Variants in ROBO2 observed in about 807,000 individuals in gnomAD.
The protein encoded by ROBO2 is roundabout guidance receptor 2, also known as roundabout homolog 2.
In ROBO2, 53 loss-of-function variants were observed where a neutral mutation model predicts 160.8. The ratio of observed to expected loss-of-function variants is 0.33; its 90% CI spans 0.26 to 0.41. The LOEUF (loss-of-function observed/expected upper bound fraction) is 0.41. Among genes scored for constraint, ROBO2 ranks in the 10% least tolerant of loss-of-function variants. ROBO2 has a pLI of 1.00. For synonymous variants in ROBO2, 664 were observed against 611.7 expected, an observed-to-expected ratio of 1.09 and a Z score of -1.26; for missense variants, 1,577 against 1,722.4, an observed-to-expected ratio of 0.92 and a Z score of 1.49.
intron 2 of ROBO2, among the ~76,000 whole-genome samples, chr3:76,181,567 A>C (rs1017148863): frequency 2.0e-5 from 3 of 152,152 alleles, no homozygotes; most frequent in African/African-American, 7.2e-5. Context: ...TGTATGTGTT[A>C]ATTGCATTTA....
chr3:77,254,162 C>T (rs879814092), intron 2 of ROBO2, among the ~76,000 whole-genome samples: 3 of 152,136 alleles, frequency 2.0e-5, no homozygotes, highest in African/African-American at 7.2e-5. Flanking sequence ...CTTAGCTACT[C>T]GCTGAGGTCT....
chr3:76,923,386 T>A (rs2076789282), intron 2 of ROBO2, among the ~76,000 whole-genome samples: 1 of 152,234 alleles, frequency 6.6e-6, no homozygotes, highest in South Asian at 2.1e-4. Context: ...GATGTACATG[T>A]ATGTAAACAG....
At chr3:76,021,094 A>G (rs2066562411) in intron 2 of ROBO2, among the ~76,000 whole-genome samples, 3 of 151,716 alleles carry the variant, frequency 2.0e-5, no homozygotes, top group African/African-American at 7.2e-5. Context: ...TAAGGATTTT[A>G]AATCAGCTTA....
chr3:76,298,462 G>A (rs1709194827), intron 2 of ROBO2, among the ~76,000 whole-genome samples: 1 of 152,120 alleles, frequency 6.6e-6, no homozygotes, highest in Non-Finnish European at 1.5e-5. Context: ...GATGAGGGAG[G>A]TTGTTTGAAA....
chr3:76,789,281 A>T (rs772600225), intron 2 of ROBO2, among the ~76,000 whole-genome samples: 3 of 151,470 alleles, frequency 2.0e-5, no homozygotes, highest in Non-Finnish European at 4.4e-5. Flanking sequence ...TAAAAAGAAC[A>T]TAGCAATGGC....
At chr3:76,937,165 A>C (rs1396212511) in intron 2 of ROBO2, among the ~76,000 whole-genome samples, 5 of 152,132 alleles carry the variant, frequency 3.3e-5, no homozygotes, top group Non-Finnish European at 7.3e-5. Flanking sequence ...ACGAAGTAAA[A>C]CTTAGTGGCA....
intron 2 of ROBO2, among the ~76,000 whole-genome samples, chr3:76,036,489 T>A (rs1576582377): frequency 6.6e-6 from 1 of 151,244 alleles, no homozygotes; most frequent in East Asian, 2.0e-4. Context: ...ACCAAATGAT[T>A]TGGGGCAAGT....
intron 2 of ROBO2, among the ~76,000 whole-genome samples, chr3:76,821,354 A>G (rs1341733769): frequency 2.6e-5 from 4 of 152,022 alleles, no homozygotes; most frequent in African/African-American, 9.7e-5. Flanking sequence ...AAGTTTACAG[A>G]TAAGAATTCA....
chr3:77,458,234 C>T (rs1431435364), intron 2 of ROBO2, among the ~76,000 whole-genome samples: 1 of 152,172 alleles, frequency 6.6e-6, no homozygotes, highest in Non-Finnish European at 1.5e-5. Context: ...GCATAACCTC[C>T]AGAGGGCAAA....
chr3:76,265,834 G>C (rs985568842), intron 2 of ROBO2, among the ~76,000 whole-genome samples: 2 of 152,076 alleles, frequency 1.3e-5, no homozygotes, highest in African/African-American at 4.8e-5. Flanking sequence ...AGATTTGTCT[G>C]TTCAAGTTCT....
chr3:76,609,353 GT>G (rs1225539948), intron 2 of ROBO2, among the ~76,000 whole-genome samples: 2 of 152,030 alleles, frequency 1.3e-5, no homozygotes, highest in Admixed American at 6.5e-5. Context: ...GTCTTTTGTG[GT>G]TTCATATAAA....
intron 2 of ROBO2, among the ~76,000 whole-genome samples, chr3:76,377,447 A>G (rs1370373586): frequency 6.6e-6 from 1 of 152,118 alleles, no homozygotes; most frequent in East Asian, 1.9e-4. Flanking sequence ...ACACAGAAAA[A>G]AAGTATTGGG....
At chr3:76,204,342 T>C (rs1279068106) in intron 2 of ROBO2, among the ~76,000 whole-genome samples, 1 of 152,200 alleles carries the variant, frequency 6.6e-6, no homozygotes, top group Non-Finnish European at 1.5e-5. Flanking sequence ...CTGAAAGTAA[T>C]CAAGGCTCTT....
intron 2 of ROBO2, among the ~76,000 whole-genome samples, chr3:76,893,335 A>G (rs1489749485): frequency 6.8e-6 from 1 of 147,760 alleles, no homozygotes; most frequent in Non-Finnish European, 1.5e-5. Flanking sequence ...CACACGCACT[A>G]CACTGTAAGA....
At chr3:76,533,078 AG>A (rs2108084895) in intron 2 of ROBO2, among the ~76,000 whole-genome samples, 1 of 152,302 alleles carries the variant, frequency 6.6e-6, no homozygotes, top group African/African-American at 2.4e-5. Context: ...ATTTCATCAG[AG>A]GGGAGGCTAT....
At position 76,435,407 on chromosome 3, in the gene ROBO2, A is replaced by G. The variant is rs576818736; in HGVS notation, c.109+497805A>G. On this transcript the variant is annotated intron_variant, in intron 2 of 26. Coordinates refer to the ROBO2 transcript ENST00000487694. Reference sequence around the variant, plus strand: ...AGCATGGGCAGAAGTTGGTCACCACAGTGACAGAAATTGCTGGATAGGCAA... The same window carrying G: ...AGCATGGGCAGAAGTTGGTCACCACGGTGACAGAAATTGCTGGATAGGCAA... 1.5e-3 allele frequency: 1,158 copies of G among 778,114 alleles called. 2 individuals are homozygous for G. Among genetic ancestry groups the G allele is most frequent in the Non-Finnish European group, 2.1e-3 (896 of 417,894 alleles). 48.2% of individuals were successfully genotyped at this position (778,114 alleles called of 1,614,324 possible).
At chr3:77,191,882 A>T (rs78188990) in intron 2 of ROBO2, among the ~76,000 whole-genome samples, 1 of 152,200 alleles carries the variant, frequency 6.6e-6, no homozygotes, top group South Asian at 2.1e-4. Flanking sequence ...CATGTCAAAG[A>T]CTTGTAAAAG....
intron 2 of ROBO2, among the ~76,000 whole-genome samples, chr3:76,731,056 T>TTCCCTACCCGCTTGTCCTCACCTCCTAC: frequency 6.8e-6 from 1 of 146,120 alleles, no homozygotes; most frequent in Admixed American, 6.8e-5. Context: ...TCACCTCCTA[T>TTCCCTACCCGCTTGTCCTCACCTCCTAC]TCCCTACCCG....
chr3:76,924,562 C>A (rs1172028986), intron 2 of ROBO2, among the ~76,000 whole-genome samples: 1 of 152,170 alleles, frequency 6.6e-6, no homozygotes, highest in African/African-American at 2.4e-5. Context: ...GCAGCCTGAA[C>A]AGACTAAGAC....
Sources: gnomAD v4.1 joint callset for allele counts (sites outside exome capture counted in the v4.1 genomes callset) on GRCh38, gnomAD v4.1.1 for gene constraint, MANE v1.5 for transcripts, NCBI Gene and HGNC (gene_info 2026-07-23, HGNC 2026-07-21) for gene names.